Variants in KRT33A observed in about 807,000 individuals in gnomAD.
KRT33A encodes the protein keratin 33A.
In KRT33A, 44 loss-of-function variants were observed where a neutral mutation model predicts 41.1. The observed-to-expected ratio is 1.07, with a 90% CI of 0.84 to 1.38. The LOEUF (loss-of-function observed/expected upper bound fraction) is 1.38. Among genes scored for constraint, KRT33A ranks in the 40% most tolerant of loss-of-function variants. KRT33A has a pLI of 0.00. For missense variants in KRT33A, 536 were observed against 518.5 expected (o/e 1.03, Z -0.33); for synonymous variants, 229 against 227.8 (o/e 1.01, Z -0.05).
At position 41,347,008 on chromosome 17, in the gene KRT33A, C is replaced by G. The variant is rs373456902; in HGVS notation, c.751-39G>C. The stretch of plus-strand genomic sequence containing the variant: ...GGGGAGAAAGGATCAGACCCTGCCT[C>G]CGGGGCCCTGGGGGGCCTCGGGTCC... On this transcript the variant is annotated intron_variant, in intron 4 of 6. Coordinates refer to ENST00000007735, the MANE Select transcript of KRT33A (RefSeq NM_004138.4). 197 of 1,612,004 alleles carry G rather than the reference C, an allele frequency of 1.2e-4. 1 individual carries two copies. In the African/African-American group the frequency reaches 2.1e-3, roughly 17 times the overall value.
Position 41,346,781 on chromosome 17 carries a change from G to A in KRT33A, c.876+63C>T, listed in dbSNP as rs2017427257. On this transcript the variant is annotated intron_variant, in intron 5 of 6. Coordinates refer to ENST00000007735, the MANE Select transcript of KRT33A (RefSeq NM_004138.4). ...CTAAGGAGAGTGTGTGGCCCCAAGGGCATCCCCAAGACTCTGCCTCCCAAG... is the reference window on the plus strand; with the variant it reads ...CTAAGGAGAGTGTGTGGCCCCAAGGACATCCCCAAGACTCTGCCTCCCAAG... 10 of 1,608,796 alleles carry A rather than the reference G, an allele frequency of 6.2e-6. No individual in the cohort carries two copies. The South Asian group carries it at 8.8e-5, about 14-fold the overall frequency.
chr17:41,350,383 A>G, intron 1 of KRT33A, 37 bp downstream of exon 1: 1 of 1,598,058 alleles, frequency 6.3e-7, no homozygotes, highest in Non-Finnish European at 8.6e-7. Flanking sequence ...TCTCCCGACA[A>G]CTTCCTACTG....
Position 41,350,520 on chromosome 17 carries a change from T to A in KRT33A, c.248A>T (p.Glu83Val). 1 of 1,614,100 alleles carries A rather than the reference T, an allele frequency of 6.2e-7. No individual in the cohort carries two copies. Among genetic ancestry groups the A allele is most frequent in the Non-Finnish European group, 8.5e-7 (1 of 1,180,042 alleles). Residue 83 changes from glutamate (E) to valine (V), a missense_variant, in exon 1 of 7, where the codon GAG becomes GTG. Transcript: ENST00000007735. The stretch of plus-strand genomic sequence containing the variant: ...CCGCTCCCGGATGAGGTTCTCCAGC[T>A]CCGCGTTGTCCCGCTCCAGCTGACG... ...KVRQLERDNAELENLIRERSQ... is the reference protein window; with the variant it reads ...KVRQLERDNAVLENLIRERSQ...
chr17:41,350,069 C>T lies in KRT33A; in HGVS notation c.348+351G>A, dbSNP rs143264921. Among the ~76,000 whole-genome samples the T allele has an allele frequency of 2.0e-4, 31 of 152,264 alleles. No homozygotes were observed. The East Asian group carries it at 3.1e-3, about 15-fold the overall frequency. ...CTCAGATGAGGGAGAAAGAAAATGG[C>T]CCAGTCTTTACAAAAGATTCCGTTT... On this transcript the variant is annotated intron_variant, in intron 1 of 6. Coordinates refer to ENST00000007735, the MANE Select transcript of KRT33A (RefSeq NM_004138.4).
rs766209327 is a variant in KRT33A at position 41,348,629 on chromosome 17, C to T, written c.442G>A (p.Glu148Lys). The change falls in exon 3 of 7, where the codon GAG becomes AAG. Residue 148 changes from glutamate to lysine, a missense_variant. Glu to Lys is a moderately conservative substitution (Grantham distance 56). Coordinates refer to ENST00000007735, the MANE Select transcript of KRT33A (RefSeq NM_004138.4). ...SDDFRTKYET[E>K]LSLRQLVESD... is the part of the protein sequence containing the mutation. Reference sequence around the variant, plus strand: ...TCCACCAGCTGCCGCAGGGACAGCTCGGTCTCATATCTGTGATCACAGGAG... The same window carrying T: ...TCCACCAGCTGCCGCAGGGACAGCTTGGTCTCATATCTGTGATCACAGGAG... 16 of 1,613,952 alleles carry T rather than the reference C, an allele frequency of 9.9e-6. No individual in the cohort carries two copies. The highest frequency in any genetic ancestry group is 5.0e-5 in the Admixed American group (3 of 60,002).
intron 2 of KRT33A, among the ~76,000 whole-genome samples, chr17:41,348,979 A>T (rs1430690876): frequency 6.6e-6 from 1 of 152,178 alleles, no homozygotes; most frequent in African/African-American, 2.4e-5. Flanking sequence ...TAAAAAAAAG[A>T]AGAAAGCCAG....
intron 3 of KRT33A, among the ~76,000 whole-genome samples, chr17:41,348,270 G>T (rs529375400): frequency 6.6e-6 from 1 of 152,362 alleles, no homozygotes; most frequent in Admixed American, 6.5e-5. Context: ...TACTGGGCTT[G>T]CCAACTTCCT....
chr17:41,346,689 A>C (rs1393364654), intron 5 of KRT33A, 21 bp from the exon 6 acceptor site: 3 of 1,613,810 alleles, frequency 1.9e-6, no homozygotes, highest in Non-Finnish European at 2.5e-6. Context: ...GAAGATTGAG[A>C]GTGTCAGAGA....
In KRT33A at chr17:41,346,213, G is replaced by A. The variant is rs2017413607; in HGVS notation, c.1121C>T (p.Thr374Ile). The A allele has an allele frequency of 6.2e-7, 1 of 1,614,214 alleles. No individual in the cohort carries two copies. Among genetic ancestry groups the A allele is most frequent in the Non-Finnish European group, 8.5e-7 (1 of 1,180,026 alleles). Residue 374 changes from threonine to isoleucine, a missense_variant, in exon 7 of 7, where the codon ACA (threonine) becomes ATA (isoleucine). Coordinates refer to ENST00000007735, the MANE Select transcript of KRT33A (RefSeq NM_004138.4). The stretch of plus-strand genomic sequence containing the variant: ...AGTGGACTTGTCACATGCATTGGTT[G>A]TGGCGCAGGGGTTGGAGGGGAGCCT... ...DCKLPSNPCA[T>I]TNACDKSTGP...
At chr17:41,348,780 G>A (rs550864862) in intron 2 of KRT33A, 141 bp from the exon 3 acceptor site, 46 of 861,484 alleles carry the variant, frequency 5.3e-5, no homozygotes, top group South Asian at 2.1e-4. Context: ...TTTCAGCATC[G>A]AGCTGGAAGA....
At chr17:41,346,394 T>C in intron 6 of KRT33A, 54 bp downstream of exon 6, 1 of 1,607,368 alleles carries the variant, frequency 6.2e-7, no homozygotes, top group Non-Finnish European at 8.5e-7. Flanking sequence ...AGACTATTCA[T>C]CTCCACAGCA....
At position 41,348,617 on chromosome 17, in the gene KRT33A, G is replaced by T. The variant is rs143737560; in HGVS notation, c.454C>A (p.Arg152=). 16 of 1,613,960 alleles carry T rather than the reference G, an allele frequency of 9.9e-6. No homozygotes were observed. In the African/African-American group the frequency reaches 1.9e-4, roughly 19 times the overall value. Residue 152 remains arginine, a synonymous_variant, in exon 3 of 7, where the codon CGG becomes AGG. Transcript: ENST00000007735. Reference sequence around the variant, plus strand: ...TTGATGTCCGACTCCACCAGCTGCCGCAGGGACAGCTCGGTCTCATATCTG... The same window carrying T: ...TTGATGTCCGACTCCACCAGCTGCCTCAGGGACAGCTCGGTCTCATATCTG... The part of the protein sequence containing the change: ...RTKYETELSL[R]QLVESDINGL...
At chr17:41,349,554 G>T in intron 1 of KRT33A, 126 bp from the exon 2 acceptor site, 2 of 836,310 alleles carry the variant, frequency 2.4e-6, no homozygotes, top group African/African-American at 1.7e-5. Context: ...TCTATATACA[G>T]CAGGTACTCA....
rs201833052 is a variant in KRT33A at position 41,350,687 on chromosome 17, G to A, written c.81C>T (p.His27=). The change falls in exon 1 of 7, where the codon CAC becomes CAT. Residue 27 remains histidine (H), a synonymous_variant. Transcript: ENST00000007735. ...TGCAGGCCCCGGGCAGGGTGCAGCC[G>A]TGGCAGCTGGGGGGCACACAGGGCC... is the stretch of plus-strand genomic sequence containing the variant. ...SSRPCVPPSC[H]GCTLPGACNI... is the part of the protein sequence containing the mutation. 55 of 1,612,202 alleles carry A rather than the reference G, an allele frequency of 3.4e-5. No homozygotes were observed. The highest frequency in any genetic ancestry group is 2.5e-4 in the East Asian group (11 of 44,872).
Position 41,346,961 on chromosome 17 carries a change from C to T in KRT33A, c.759G>A (p.Glu253=). The stretch of plus-strand genomic sequence containing the variant: ...AGCTGGATACCACCTGCTTGTTCAG[C>T]TCCTCGGTCTGAAACACCCAAGGGG... ...VEQWFATQTE[E]LNKQVVSSSE... Residue 253 remains glutamate, a synonymous_variant, in exon 5 of 7, where the codon GAG becomes GAA. Transcript: ENST00000007735. The T allele has an allele frequency of 2.5e-6, 4 of 1,613,720 alleles. No homozygotes were observed. The highest frequency in any genetic ancestry group is 3.4e-6 in the Non-Finnish European group (4 of 1,179,978).
At position 41,347,070 on chromosome 17, in the gene KRT33A, G is replaced by C; in HGVS notation, c.741C>G (p.Phe247Leu). 1.2e-6 allele frequency: 2 copies of C among 1,613,566 alleles called. No individual in the cohort carries two copies. Among genetic ancestry groups the C allele is most frequent in the Non-Finnish European group, 1.7e-6 (2 of 1,179,682 alleles). ...ETNRREVEQW[F>L]ATQTEELNKQ... ...GTGCTTAGATGCCCACCTGCGTGGCGAACCATTGCTCCACTTCCCTGCGGT... is the reference window on the plus strand; with the variant it reads ...GTGCTTAGATGCCCACCTGCGTGGCCAACCATTGCTCCACTTCCCTGCGGT... The change falls in exon 4 of 7, where the codon TTC becomes TTG. Residue 247 changes from phenylalanine to leucine, a missense_variant. Physicochemically the swap from Phe to Leu is conservative, Grantham distance 22. Transcript: ENST00000007735.
Position 41,349,422 on chromosome 17 carries a change from AC to A in KRT33A, c.354del (p.Cys119AlafsTer51), listed in dbSNP as rs766563094. On this transcript the variant is annotated frameshift_variant, in exon 2 of 7. Coordinates refer to ENST00000007735, the MANE Select transcript of KRT33A (RefSeq NM_004138.4). LOFTEE classifies it high-confidence loss of function. ...AGCCTGGCATTCTCAGACTTGCTGC[AC>A]AGGATCTAGAAGGCCCAAAACATTC... ...KTIEELQQKI[L>X]CSKSENARLV... 5.8e-5 allele frequency: 94 copies of A among 1,613,986 alleles called. No homozygotes were observed. The highest frequency in any genetic ancestry group is 8.3e-5 in the Admixed American group (5 of 59,988).
rs147880252 is a variant in KRT33A at position 41,346,906 on chromosome 17, T to C, written c.814A>G (p.Ile272Val). 3.2e-4 allele frequency: 521 copies of C among 1,613,244 alleles called. No homozygotes were observed. In the African/African-American group the frequency reaches 5.9e-3, roughly 18 times the overall value. Residue 272 changes from isoleucine to valine, a missense_variant, in exon 5 of 7, where the codon ATC becomes GTC. Physicochemically the swap from Ile to Val is conservative, Grantham distance 29 (BLOSUM62 3). Transcript: ENST00000007735. ...SEQLQSYQAE[I>V]IELRRTVNAL... Reference sequence around the variant, plus strand: ...TTGACCGTGCGTCTCAGCTCGATGATCTCCGCCTGGTAGGACTGCAGCTGC... The same window carrying C: ...TTGACCGTGCGTCTCAGCTCGATGACCTCCGCCTGGTAGGACTGCAGCTGC...
Position 41,347,165 on chromosome 17 carries a change from C to T in KRT33A, c.646G>A (p.Ala216Thr). Reference protein sequence around the residue: ...GDRLNVEVDAAPTVDLNQVLN... With the variant: ...GDRLNVEVDATPTVDLNQVLN... ...ACCTGGTTCAGGTCCACAGTGGGAGCAGCGTCCACCTCCACGTTGAGGCGG... is the reference window on the plus strand; with the variant it reads ...ACCTGGTTCAGGTCCACAGTGGGAGTAGCGTCCACCTCCACGTTGAGGCGG... Residue 216 changes from alanine (A) to threonine (T), a missense_variant, in exon 4 of 7, where the codon GCT (alanine) becomes ACT (threonine). Coordinates refer to ENST00000007735, the MANE Select transcript of KRT33A (RefSeq NM_004138.4). 1 of 1,614,194 alleles carries T rather than the reference C, an allele frequency of 6.2e-7. No individual in the cohort carries two copies. Among genetic ancestry groups the T allele is most frequent in the South Asian group, 1.1e-5 (1 of 91,086 alleles).
Sources: gnomAD v4.1 joint callset for allele counts (sites outside exome capture counted in the v4.1 genomes callset) on GRCh38, gnomAD v4.1.1 for gene constraint, MANE v1.5 for transcripts, NCBI Gene and HGNC (gene_info 2026-07-23, HGNC 2026-07-21) for gene names.